Variants in TMEM132D observed in about 807,000 individuals in gnomAD.
TMEM132D encodes transmembrane protein 132D.
TMEM132D carries 21 observed loss-of-function variants against 62.3 expected under a neutral mutation model. The observed-to-expected ratio is 0.34, with a 90% confidence interval of 0.24 to 0.49. The LOEUF (loss-of-function observed/expected upper bound fraction) is 0.49. Ranked by LOEUF, TMEM132D falls within the 20% of genes least tolerant of loss-of-function variation. The pLI, the probability that TMEM132D is intolerant of heterozygous loss-of-function variation, is 0.99. For missense variants in TMEM132D, 1,346 were observed against 1,402.8 expected, an observed-to-expected ratio of 0.96 and a Z score of 0.65; for synonymous variants, 621 against 575.6, an observed-to-expected ratio of 1.08 and a Z score of -1.13.
chr12:129,519,505 C>T lies in TMEM132D; in HGVS notation c.1115+11554G>A, dbSNP rs1297246685. Among the ~76,000 whole-genome samples, 5 of 151,986 alleles carry T rather than the reference C, an allele frequency of 3.3e-5. No homozygotes were observed. The East Asian group carries it at 9.6e-4, about 29-fold the overall frequency. Reference sequence around the variant, plus strand: ...AATATAGCTGCATTCCTCAGGATTCCTAAGAATTTTATTTTAGGAAATTAA... The same window carrying T: ...AATATAGCTGCATTCCTCAGGATTCTTAAGAATTTTATTTTAGGAAATTAA... On this transcript the variant is annotated intron_variant, in intron 3 of 8. Transcript: ENST00000422113.
At chr12:129,680,930 T>A (rs542499839) in intron 2 of TMEM132D, among the ~76,000 whole-genome samples, 71 of 152,292 alleles carry the variant, frequency 4.7e-4, no homozygotes, top group African/African-American at 1.6e-3. Flanking sequence ...CAATTTGGCA[T>A]GAGTAGGGAC....
Position 129,803,354 on chromosome 12 carries a change from G to A in TMEM132D, c.79+99907C>T, listed in dbSNP as rs1871863587. 4.0e-5 allele frequency among the ~76,000 whole-genome samples: 6 copies of A among 151,850 alleles called. No individual in the cohort carries two copies. In the South Asian group the frequency reaches 1.3e-3, roughly 32 times the overall value. On this transcript the variant is annotated intron_variant, in intron 1 of 8. Transcript: ENST00000422113. ...AACAAACTATCTCTCAGACCACAGTGCAATCAAACTAGATCTCAGGATTAA... is the reference window on the plus strand; with the variant it reads ...AACAAACTATCTCTCAGACCACAGTACAATCAAACTAGATCTCAGGATTAA...
chr12:129,308,606 T>C (rs1192797021), intron 4 of TMEM132D, among the ~76,000 whole-genome samples: 3 of 152,180 alleles, frequency 2.0e-5, no homozygotes, highest in Admixed American at 1.3e-4. Flanking sequence ...AAATCATAAA[T>C]TGAATATAGA....
At chr12:129,367,836 A>G (rs1474265677) in intron 3 of TMEM132D, among the ~76,000 whole-genome samples, 1 of 136,856 alleles carries the variant, frequency 7.3e-6, no homozygotes, top group African/African-American at 2.8e-5. Context: ...CCCAGGCTGG[A>G]GTGCAGCAGT....
At chr12:129,550,120 A>C (rs1200450992) in intron 2 of TMEM132D, among the ~76,000 whole-genome samples, 1 of 152,232 alleles carries the variant, frequency 6.6e-6, no homozygotes, top group African/African-American at 2.4e-5. Flanking sequence ...TTGTCATGAG[A>C]AAGATTAATA....
chr12:129,780,281 A>G (rs973181263), intron 1 of TMEM132D, among the ~76,000 whole-genome samples: 2 of 146,310 alleles, frequency 1.4e-5, no homozygotes, highest in African/African-American at 5.0e-5. Flanking sequence ...ACAGGTGAGT[A>G]ATGTCTGAAA....
At chr12:129,693,726 G>C (rs548190430) in intron 2 of TMEM132D, among the ~76,000 whole-genome samples, 1 of 152,298 alleles carries the variant, frequency 6.6e-6, no homozygotes, top group South Asian at 2.1e-4. Context: ...CCCCTGTAGA[G>C]AGCATGCGTA....
At chr12:129,664,069 C>T (rs530995850) in intron 2 of TMEM132D, among the ~76,000 whole-genome samples, 2 of 152,178 alleles carry the variant, frequency 1.3e-5, no homozygotes, top group South Asian at 2.1e-4. Flanking sequence ...TATCATTGCT[C>T]GACTATTTCA....
chr12:129,201,626 C>T (rs1310263701), intron 5 of TMEM132D, among the ~76,000 whole-genome samples: 1 of 152,150 alleles, frequency 6.6e-6, no homozygotes, highest in Admixed American at 6.5e-5. Context: ...ACAGGAATGT[C>T]CTAGAAGACA....
chr12:129,700,850 G>T, intron 1 of TMEM132D, 152 bp from the exon 2 acceptor site: 1 of 857,554 alleles, frequency 1.2e-6, no homozygotes, highest in Non-Finnish European at 1.7e-6. Flanking sequence ...CAATCTACTC[G>T]CTTCATATTA....
At chr12:129,895,951 TTCTCTG>T (rs1429100854) in intron 1 of TMEM132D, among the ~76,000 whole-genome samples, 1 of 97,538 alleles carries the variant, frequency 1.0e-5, no homozygotes, top group Admixed American at 1.1e-4. Flanking sequence ...GGAATTTGAT[TTCTCTG>T]TCTCTCTTTT....
intron 1 of TMEM132D, among the ~76,000 whole-genome samples, chr12:129,901,886 G>T (rs957263711): frequency 1.4e-5 from 2 of 145,066 alleles, no homozygotes; most frequent in African/African-American, 5.0e-5. Context: ...AAAAAAAAAT[G>T]CTGGGCTGTT....
At chr12:129,262,982 G>A (rs187128158) in intron 4 of TMEM132D, among the ~76,000 whole-genome samples, 7 of 152,246 alleles carry the variant, frequency 4.6e-5, no homozygotes, top group Admixed American at 1.3e-4. Flanking sequence ...GTTGGCCAAT[G>A]GGGAGCTCCA....
intron 5 of TMEM132D, among the ~76,000 whole-genome samples, chr12:129,114,670 C>T: frequency 6.6e-6 from 1 of 152,212 alleles, no homozygotes; most frequent in East Asian, 1.9e-4. Context: ...CATGCCCCTG[C>T]AGCCACTACT....
At chr12:129,209,996 T>A (rs1565998433) in intron 4 of TMEM132D, 1 of 242,908 alleles carries the variant, frequency 4.1e-6, no homozygotes, top group Non-Finnish European at 8.0e-6. Context: ...TCGTCAATCC[T>A]CATAGCATCC....
At chr12:129,648,560 G>C (rs1293473631) in intron 2 of TMEM132D, among the ~76,000 whole-genome samples, 1 of 152,130 alleles carries the variant, frequency 6.6e-6, no homozygotes, top group African/African-American at 2.4e-5. Context: ...ACAGTTCAAG[G>C]CAAAGCCTGT....
At chr12:129,450,819 C>T (rs1873258022) in intron 3 of TMEM132D, among the ~76,000 whole-genome samples, 1 of 141,662 alleles carries the variant, frequency 7.1e-6, no homozygotes, top group African/African-American at 2.6e-5. Flanking sequence ...TGCAGTGCTG[C>T]AATCTCAGCT....
At chr12:129,349,427 A>G (rs1313049533) in intron 3 of TMEM132D, among the ~76,000 whole-genome samples, 1 of 152,210 alleles carries the variant, frequency 6.6e-6, no homozygotes, top group African/African-American at 2.4e-5. Context: ...AAAAAGGACA[A>G]CAAACTGTTA....
chr12:129,219,102 G>C (rs1222027932), intron 4 of TMEM132D, among the ~76,000 whole-genome samples: 1 of 152,194 alleles, frequency 6.6e-6, no homozygotes, highest in South Asian at 2.1e-4. Context: ...GGTGGGGCCA[G>C]CTCAGGTGAT....
Sources: gnomAD v4.1 joint callset for allele counts (sites outside exome capture counted in the v4.1 genomes callset) on GRCh38, gnomAD v4.1.1 for gene constraint, MANE v1.5 for transcripts, NCBI Gene and HGNC (gene_info 2026-07-23, HGNC 2026-07-21) for gene names.